The following GLT1D1 variants were observed in gnomAD, a reference collection of about 807,000 sequenced individuals.
The protein encoded by GLT1D1 is glycosyltransferase 1 domain containing 1.
In GLT1D1, 21 loss-of-function variants were observed where a neutral mutation model predicts 28.7. That is an observed-to-expected ratio of 0.73 (90% confidence interval 0.52 to 1.05). The LOEUF is 1.05. GLT1D1 is among the 50% of genes least tolerant of loss of function. GLT1D1 has a pLI of 0.00. For synonymous variants in GLT1D1, 147 were observed against 124.8 expected (o/e 1.18, Z -1.19); for missense variants, 343 against 330.6 (o/e 1.04, Z -0.29).
chr12:128,925,757 C>G (rs1380172017), intron 4 of GLT1D1, among the ~76,000 whole-genome samples: 1 of 152,166 alleles, frequency 6.6e-6, no homozygotes, highest in African/African-American at 2.4e-5. Flanking sequence ...ACGTCTGGCT[C>G]CTATTTCAGT....
intron 3 of GLT1D1, 121 bp from the exon 4 acceptor site, chr12:128,899,115 G>T (rs930863998): frequency 2.8e-6 from 2 of 723,802 alleles, no homozygotes; most frequent in Non-Finnish European, 2.4e-6. Context: ...AATAAAGATT[G>T]ATTGCATTTT....
chr12:128,933,584 CTGT>C (rs1427167156), intron 4 of GLT1D1, among the ~76,000 whole-genome samples: 4 of 152,266 alleles, frequency 2.6e-5, no homozygotes, highest in Admixed American at 6.5e-5. Flanking sequence ...GATGGAGGGT[CTGT>C]GTGTGGGTCC....
intron 2 of GLT1D1, among the ~76,000 whole-genome samples, chr12:128,882,274 A>ATTT (rs533208189): frequency 0.012 from 1,617 of 133,518 alleles, 42 homozygotes; most frequent in African/African-American, 0.045. Flanking sequence ...GTATAACGCA[A>ATTT]TTTTTTTTTT....
intron 4 of GLT1D1, among the ~76,000 whole-genome samples, chr12:128,926,153 C>T (rs1873180590): frequency 1.3e-5 from 2 of 150,940 alleles, no homozygotes; most frequent in Admixed American, 1.3e-4. Context: ...CGAGATTGCA[C>T]CACTGCACTC....
At chr12:128,878,952 G>A (rs1375062566) in intron 2 of GLT1D1, among the ~76,000 whole-genome samples, 3 of 152,174 alleles carry the variant, frequency 2.0e-5, no homozygotes, top group Admixed American at 6.6e-5. Context: ...CACAGTCTGA[G>A]CTTTGTCTCT....
chr12:128,890,820 GA>G (rs1046192455), intron 3 of GLT1D1, among the ~76,000 whole-genome samples: 23 of 152,182 alleles, frequency 1.5e-4, no homozygotes, highest in African/African-American at 5.5e-4. Context: ...ACAACAGGGT[GA>G]AACTCCATCT....
At chr12:128,935,152 T>A (rs1874409339) in intron 4 of GLT1D1, among the ~76,000 whole-genome samples, 1 of 152,246 alleles carries the variant, frequency 6.6e-6, no homozygotes, top group South Asian at 2.1e-4. Flanking sequence ...ACTGGCCATT[T>A]CTGGGCGCAG....
chr12:128,924,603 C>T (rs959593235), intron 4 of GLT1D1, among the ~76,000 whole-genome samples: 2 of 151,798 alleles, frequency 1.3e-5, no homozygotes, highest in Admixed American at 1.3e-4. Flanking sequence ...ATTACAGGCC[C>T]CCGCCACCAC....
chr12:128,974,373 G>A (rs1191427099), intron 7 of GLT1D1, among the ~76,000 whole-genome samples: 1 of 152,082 alleles, frequency 6.6e-6, no homozygotes, highest in Admixed American at 6.5e-5. Flanking sequence ...CCTGCATCGT[G>A]CATTTCATGA....
intron 1 of GLT1D1, among the ~76,000 whole-genome samples, chr12:128,856,512 C>T (rs1168268566): frequency 6.6e-6 from 1 of 152,086 alleles, no homozygotes; most frequent in African/African-American, 2.4e-5. Flanking sequence ...GGGAGGCTGT[C>T]TCCGGAGATG....
chr12:128,931,233 C>T (rs1205729061), intron 4 of GLT1D1, among the ~76,000 whole-genome samples: 7 of 152,018 alleles, frequency 4.6e-5, no homozygotes, highest in Non-Finnish European at 8.8e-5. Flanking sequence ...AATCTCCTGA[C>T]CTCGTGATCT....
chr12:128,855,240 A>C (rs1956186652), intron 1 of GLT1D1, among the ~76,000 whole-genome samples: 2 of 148,164 alleles, frequency 1.3e-5, no homozygotes, highest in African/African-American at 2.5e-5. Context: ...AAAAAAAAAA[A>C]AAACAACAAC....
chr12:128,891,651 GT>G (rs2135835391), intron 3 of GLT1D1, among the ~76,000 whole-genome samples: 1 of 152,276 alleles, frequency 6.6e-6, no homozygotes, highest in East Asian at 1.9e-4. Context: ...AGCATTCAAA[GT>G]TCTGTCGGGA....
intron 4 of GLT1D1, among the ~76,000 whole-genome samples, chr12:128,933,058 T>G (rs1202236590): frequency 1.3e-5 from 2 of 152,250 alleles, no homozygotes; most frequent in East Asian, 3.8e-4. Context: ...TGCCTCGTGC[T>G]GCAGATAGGC....
chr12:128,946,798 A>G (rs1384803008), intron 5 of GLT1D1, among the ~76,000 whole-genome samples: 1 of 151,266 alleles, frequency 6.6e-6, no homozygotes, highest in Non-Finnish European at 1.5e-5. Flanking sequence ...ACAGGTGCGC[A>G]CCACCACGCC....
At chr12:128,918,204 A>T (rs1449750311) in intron 4 of GLT1D1, among the ~76,000 whole-genome samples, 1 of 152,230 alleles carries the variant, frequency 6.6e-6, no homozygotes, top group Non-Finnish European at 1.5e-5. Flanking sequence ...AAACTAAGGC[A>T]GGAACAGAAA....
At chr12:128,876,257 T>G (rs1199984571) in intron 2 of GLT1D1, among the ~76,000 whole-genome samples, 195 bp downstream of exon 2, 1 of 152,208 alleles carries the variant, frequency 6.6e-6, no homozygotes, top group Admixed American at 6.6e-5. Flanking sequence ...TGGATGTGTA[T>G]TGAAACTGTT....
intron 1 of GLT1D1, among the ~76,000 whole-genome samples, chr12:128,865,047 C>T (rs1218965640): frequency 6.6e-6 from 1 of 152,210 alleles, no homozygotes; most frequent in Non-Finnish European, 1.5e-5. Flanking sequence ...TCTCTTTTCA[C>T]TTTCAACACA....
chr12:128,972,275 C>T (rs1191265900), intron 7 of GLT1D1, among the ~76,000 whole-genome samples: 1 of 152,266 alleles, frequency 6.6e-6, no homozygotes, highest in Non-Finnish European at 1.5e-5. Context: ...CATGCGGTCA[C>T]TCAGAGCCCA....
Sources: allele counts gnomAD v4.1 joint callset (sites outside exome capture counted in the v4.1 genomes callset), GRCh38; gene constraint gnomAD v4.1.1; transcripts MANE v1.5; gene names NCBI Gene and HGNC (gene_info 2026-07-23, HGNC 2026-07-21).